DGKB: variants seen among roughly 807,000 people sequenced by gnomAD.
The protein encoded by DGKB is 90 kDa diacylglycerol kinase.
A neutral mutation model predicts 114.3 loss-of-function variants in DGKB; 67 were observed. The ratio of observed to expected loss-of-function variants is 0.59; its 90% CI spans 0.48 to 0.72. The LOEUF is 0.72. Ranked by LOEUF, DGKB falls within the 30% of genes least tolerant of loss-of-function variation. DGKB has a pLI of 0.00. For missense variants in DGKB, 907 were observed against 975.2 expected (o/e 0.93, Z 0.93); for synonymous variants, 398 against 323.1 (o/e 1.23, Z -2.49).
intron 23 of DGKB, among the ~76,000 whole-genome samples, chr7:14,223,060 A>G (rs1790250922): frequency 6.6e-6 from 1 of 151,586 alleles, no homozygotes; most frequent in Non-Finnish European, 1.5e-5. Context: ...AGAGCATATA[A>G]ATAGATCTTG....
rs75483245 is a variant in DGKB, at chr7:14,524,224, T to C, written c.1771-45999A>G. 7.9e-3 allele frequency among the ~76,000 whole-genome samples: 1,196 copies of C among 152,046 alleles called. 13 individuals are homozygous for C. Among genetic ancestry groups the C allele is most frequent in the African/African-American group, 0.027 (1,132 of 41,518 alleles). Reference sequence around the variant, plus strand: ...AGATGATACACCAAGAGTTTAAATTTGAAAAAAAAATCTACTGCTCCTGGA... The same window carrying C: ...AGATGATACACCAAGAGTTTAAATTCGAAAAAAAAATCTACTGCTCCTGGA... On this transcript the variant is annotated intron_variant, in intron 20 of 25. Coordinates refer to ENST00000402815, the MANE Select transcript of DGKB (RefSeq NM_001350709.2).
intron 21 of DGKB, among the ~76,000 whole-genome samples, chr7:14,365,101 G>A (rs951342146): frequency 2.0e-5 from 3 of 151,194 alleles, no homozygotes; most frequent in African/African-American, 7.3e-5. Context: ...TTGGGGGTAG[G>A]GGCTCTTCAT....
At chr7:14,941,461 C>A (rs1785567042) in intron 1 of DGKB, among the ~76,000 whole-genome samples, 1 of 152,010 alleles carries the variant, frequency 6.6e-6, no homozygotes, top group Non-Finnish European at 1.5e-5. Context: ...AGATTGTTAT[C>A]CTGAGGTCCA....
At chr7:14,662,486 C>T (rs2128927030) in intron 13 of DGKB, among the ~76,000 whole-genome samples, 1 of 152,040 alleles carries the variant, frequency 6.6e-6, no homozygotes, top group South Asian at 2.1e-4. Context: ...ATCCTTTGCA[C>T]TTCTGAGTAG....
In DGKB at chr7:14,453,164, T is replaced by G. The variant is rs376682495; in HGVS notation, c.1835+24997A>C. ...AGTAAGAACCATTATTGGGTCATTT[T>G]ACAGAGGAGGAAAGTGAGGCACAGA... On this transcript the variant is annotated intron_variant, in intron 21 of 25. Coordinates refer to ENST00000402815, the MANE Select transcript of DGKB (RefSeq NM_001350709.2). Among the ~76,000 whole-genome samples, 7 of 152,258 alleles carry G rather than the reference T, an allele frequency of 4.6e-5. No homozygotes were observed. In the East Asian group the frequency reaches 1.3e-3, roughly 29 times the overall value.
intron 1 of DGKB, among the ~76,000 whole-genome samples, chr7:14,973,528 T>C (rs200962810): frequency 1.0e-4 from 8 of 79,154 alleles, no homozygotes; most frequent in African/African-American, 3.6e-4. Context: ...TGTTTTTTTG[T>C]TTTTTTTTTC....
In DGKB at chr7:14,184,433, G is replaced by A. The variant is rs78562442; in HGVS notation, c.2123-6282C>T. On this transcript the variant is annotated intron_variant, in intron 23 of 25. Transcript: ENST00000402815. ...CCTGGAAACTAACTCGGGTCTGTTC[G>A]TGGGGGCACGGTGAGAGTTAGAACG... 7.6e-3 allele frequency among the ~76,000 whole-genome samples: 1,162 copies of A among 152,216 alleles called. 6 individuals carry two copies. The highest frequency in any genetic ancestry group is 0.017 in the Middle Eastern group (5 of 294).
intron 21 of DGKB, among the ~76,000 whole-genome samples, chr7:14,421,552 G>A (rs1030651254): frequency 3.3e-5 from 5 of 151,958 alleles, no homozygotes; most frequent in Admixed American, 6.6e-5. Context: ...TTTGCCCTTT[G>A]TCTTATTCAA....
At chr7:14,668,346 T>C (rs1021510815) in intron 13 of DGKB, among the ~76,000 whole-genome samples, 7 of 152,042 alleles carry the variant, frequency 4.6e-5, no homozygotes, top group African/African-American at 1.7e-4. Flanking sequence ...TTTGGGAAAG[T>C]TGGGGTGTGA....
intron 4 of DGKB, among the ~76,000 whole-genome samples, chr7:14,738,533 G>A (rs1832080853): frequency 6.6e-6 from 1 of 152,158 alleles, no homozygotes; most frequent in African/African-American, 2.4e-5. Flanking sequence ...GATTTGTTAG[G>A]AGGAACATAT....
intron 21 of DGKB, among the ~76,000 whole-genome samples, chr7:14,431,705 G>A (rs1828474177): frequency 6.6e-6 from 1 of 151,930 alleles, no homozygotes. Context: ...ATTTTAACTA[G>A]TTTTGCACTT....
chr7:14,919,085 C>CACAA (rs1554345159), intron 1 of DGKB, among the ~76,000 whole-genome samples: 9 of 122,186 alleles, frequency 7.4e-5, no homozygotes, highest in African/African-American at 2.8e-4. Context: ...CACACACACA[C>CACAA]ACACACACAA....
At chr7:14,667,394 G>A (rs537700398) in intron 13 of DGKB, among the ~76,000 whole-genome samples, 114 of 152,032 alleles carry the variant, frequency 7.5e-4, no homozygotes, top group African/African-American at 2.6e-3. Flanking sequence ...TAACTACAGA[G>A]TCAACGACTA....
intron 23 of DGKB, among the ~76,000 whole-genome samples, chr7:14,204,880 T>A (rs1324804648): frequency 6.6e-6 from 1 of 152,054 alleles, no homozygotes; most frequent in African/African-American, 2.4e-5. Flanking sequence ...TTCTTTGATA[T>A]CAGGGAATGT....
chr7:14,931,857 G>A (rs1343503017), intron 1 of DGKB, among the ~76,000 whole-genome samples: 1 of 152,012 alleles, frequency 6.6e-6, no homozygotes, highest in Admixed American at 6.6e-5. Context: ...GTCGGGGGGT[G>A]GGGATACCTG....
chr7:14,603,403 T>TCTGTGTCA (rs1455201919), intron 17 of DGKB, among the ~76,000 whole-genome samples: 5 of 152,154 alleles, frequency 3.3e-5, no homozygotes, highest in African/African-American at 1.2e-4. Flanking sequence ...TCTGTTCATT[T>TCTGTGTCA]CTGTGTCATA....
At chr7:14,811,831 C>G (rs1843482417) in intron 2 of DGKB, among the ~76,000 whole-genome samples, 1 of 151,990 alleles carries the variant, frequency 6.6e-6, no homozygotes, top group South Asian at 2.1e-4. Flanking sequence ...TTTAAGGGTA[C>G]AGTTATGTGA....
chr7:14,461,621 A>T (rs1404834647), intron 21 of DGKB, among the ~76,000 whole-genome samples: 1 of 152,042 alleles, frequency 6.6e-6, no homozygotes. Flanking sequence ...AATAGCCTAC[A>T]AACCAAAAAA....
At chr7:14,423,080 T>A (rs1472054877) in intron 21 of DGKB, among the ~76,000 whole-genome samples, 1 of 152,002 alleles carries the variant, frequency 6.6e-6, no homozygotes, top group African/African-American at 2.4e-5. Context: ...CCACTCTTTC[T>A]ACTTTAGAAG....
Sources: allele counts gnomAD v4.1 joint callset (sites outside exome capture counted in the v4.1 genomes callset), GRCh38; gene constraint gnomAD v4.1.1; transcripts MANE v1.5; gene names NCBI Gene and HGNC (gene_info 2026-07-23, HGNC 2026-07-21).